SIPA1L3: variants seen among roughly 807,000 people sequenced by gnomAD.
The protein encoded by SIPA1L3 is signal induced proliferation associated 1 like 3.
A neutral mutation model predicts 150.1 loss-of-function variants in SIPA1L3; 59 were observed. The ratio of observed to expected loss-of-function variants is 0.39; its 90% CI spans 0.32 to 0.49. The LOEUF is 0.49. Ranked by LOEUF, SIPA1L3 falls within the 20% of genes least tolerant of loss-of-function variation. The probability of loss-of-function intolerance (pLI) is 0.86; values close to 1 mark genes in which losing one functional copy is unlikely to be tolerated. For missense variants in SIPA1L3, 2,211 were observed against 2,489.5 expected (o/e 0.89, Z 2.38); for synonymous variants, 1,070 against 1,077.6 (o/e 0.99, Z 0.14).
chr19:37,959,663 GTTGGTGTGT>G (rs1460737935), intron 1 of SIPA1L3, among the ~76,000 whole-genome samples: 1 of 152,284 alleles, frequency 6.6e-6, no homozygotes, highest in African/African-American at 2.4e-5. Context: ...TGATGTGATT[GTTGGTGTGT>G]TTGGATTAAC....
chr19:38,006,130 T>C (rs886072175), intron 1 of SIPA1L3, among the ~76,000 whole-genome samples: 1 of 152,030 alleles, frequency 6.6e-6, no homozygotes, highest in Admixed American at 6.6e-5. Context: ...GGGGAGGTGA[T>C]GCTGGGGCTG....
At chr19:38,196,233 A>G (rs1413343186) in intron 18 of SIPA1L3, among the ~76,000 whole-genome samples, 1 of 152,238 alleles carries the variant, frequency 6.6e-6, no homozygotes, top group African/African-American at 2.4e-5. Context: ...CCTGCTCAGC[A>G]ATGGCAGCCA....
At position 38,118,753 on chromosome 19, in the gene SIPA1L3, C is replaced by T. The variant is rs946392011; in HGVS notation, c.2292-553C>T. ...TTTACCATATTGGTCAGGCTGGTCT[C>T]GAACTCCTGACCTCAGGTGATCTGC... On this transcript the variant is annotated intron_variant, in intron 8 of 21. Coordinates refer to ENST00000222345, the MANE Select transcript of SIPA1L3 (RefSeq NM_015073.3). Among the ~76,000 whole-genome samples the T allele has an allele frequency of 8.6e-5, 13 of 152,046 alleles. No individual in the cohort carries two copies. The East Asian group carries it at 1.8e-3, about 21-fold the overall frequency.
rs1973219135 is a variant in SIPA1L3 at position 38,206,516 on chromosome 19, C to A, written c.*276C>A. Reference sequence around the variant, plus strand: ...GGGCTGTGCTTACACCGCTCCCGGGCCTGCCCCGCTGTCCCCATCTAGCCT... The same window carrying A: ...GGGCTGTGCTTACACCGCTCCCGGGACTGCCCCGCTGTCCCCATCTAGCCT... On this transcript the variant is annotated 3_prime_UTR_variant, in exon 22 of 22. Coordinates refer to ENST00000222345, the MANE Select transcript of SIPA1L3 (RefSeq NM_015073.3). 5 of 352,562 alleles carry A rather than the reference C, an allele frequency of 1.4e-5. No individual in the cohort carries two copies. 21.8% of individuals were successfully genotyped at this position (352,562 alleles called of 1,614,324 possible). A position where few individuals can be genotyped will look rare whatever the true frequency, so the allele number is the denominator to read the frequency against.
At chr19:38,182,904 C>G in intron 16 of SIPA1L3, 164 bp downstream of exon 16, 1 of 585,000 alleles carries the variant, frequency 1.7e-6, no homozygotes. Context: ...GGCGAGAACC[C>G]CTCTTGGGGA....
intron 1 of SIPA1L3, among the ~76,000 whole-genome samples, chr19:37,972,188 T>TGTGTGTGTGTGC (rs1374747436): frequency 6.6e-6 from 1 of 151,776 alleles, no homozygotes; most frequent in African/African-American, 2.4e-5. Context: ...TGTGTGTGTG[T>TGTGTGTGTGTGC]GTGTGTGTGT....
intron 1 of SIPA1L3, among the ~76,000 whole-genome samples, chr19:37,998,188 C>T (rs369780130): frequency 2.6e-5 from 4 of 152,196 alleles, no homozygotes; most frequent in African/African-American, 4.8e-5. Context: ...GAGTCAGAAG[C>T]GACTCACGGC....
chr19:38,124,039 T>A (rs1397182361), intron 9 of SIPA1L3, among the ~76,000 whole-genome samples: 8 of 132,794 alleles, frequency 6.0e-5, no homozygotes, highest in African/African-American at 2.0e-4. Context: ...CACCTCCCAG[T>A]AGGGGCGGCT....
At chr19:37,979,199 G>T (rs937634616) in intron 1 of SIPA1L3, among the ~76,000 whole-genome samples, 4 of 152,014 alleles carry the variant, frequency 2.6e-5, no homozygotes, top group African/African-American at 9.6e-5. Flanking sequence ...TGGGTTTTAC[G>T]TTTTTAAAAG....
At chr19:38,190,519 C>T (rs975600538) in intron 16 of SIPA1L3, among the ~76,000 whole-genome samples, 2 of 152,156 alleles carry the variant, frequency 1.3e-5, no homozygotes, top group Non-Finnish European at 2.9e-5. Context: ...CTCGCCCTTC[C>T]TTTGTTAAAA....
Position 38,119,538 on chromosome 19 carries a change from G to T in SIPA1L3, c.2524G>T (p.Gly842Cys), listed in dbSNP as rs530799618. The T allele has an allele frequency of 6.8e-6, 11 of 1,614,114 alleles. No individual in the cohort carries two copies. In the African/African-American group the frequency reaches 1.2e-4, roughly 18 times the overall value. ...CTCCAACACCCCCATCGACTCCACCGGCAAATTCAACCTCATCTCCCTGAC... is the reference window on the plus strand; with the variant it reads ...CTCCAACACCCCCATCGACTCCACCTGCAAATTCAACCTCATCTCCCTGAC... The part of the protein sequence containing the change: ...CVSNTPIDST[G>C]KFNLISLTSK... Residue 842 changes from glycine (G) to cysteine (C), a missense_variant, in exon 9 of 22, where the codon GGC becomes TGC. Gly to Cys is a radical substitution (Grantham distance 159, BLOSUM62 -3). Transcript: ENST00000222345.
chr19:38,208,031 CT>C lies in SIPA1L3; in HGVS notation c.*1808del, dbSNP rs878876734. 0.012 allele frequency: 1,543 copies of C among 125,304 alleles called. 24 individuals carry two copies. Among genetic ancestry groups the C allele is most frequent in the South Asian group, 0.021 (75 of 3,550 alleles). 7.8% of individuals were successfully genotyped at this position (125,304 alleles called of 1,614,324 possible). A position where few individuals can be genotyped will look rare whatever the true frequency, so the allele number is the denominator to read the frequency against. On this transcript the variant is annotated 3_prime_UTR_variant, in exon 22 of 22. Transcript: ENST00000222345. ...CACCCCTTAGACCCTCATCGGGTCC[CT>C]TTTTTTTTTTTTTTTTCAGTTGTCT...
intron 12 of SIPA1L3, among the ~76,000 whole-genome samples, chr19:38,149,080 A>G (rs559630357): frequency 6.6e-5 from 10 of 152,286 alleles, no homozygotes; most frequent in African/African-American, 2.4e-4. Flanking sequence ...GTCAGTTTGC[A>G]TTGGGATAAT....
chr19:38,081,195 C>A, intron 2 of SIPA1L3, 61 bp from the exon 3 acceptor site: 1 of 403,828 alleles, frequency 2.5e-6, no homozygotes, highest in South Asian at 1.2e-4. Flanking sequence ...TCACATGTCC[C>A]ACTTTCTGGG....
At chr19:38,069,574 T>C (rs1199242822) in intron 2 of SIPA1L3, among the ~76,000 whole-genome samples, 1 of 152,182 alleles carries the variant, frequency 6.6e-6, no homozygotes. Flanking sequence ...GCTGCCGAGC[T>C]TTTAAGAGGC....
chr19:38,189,773 A>G (rs1040472544), intron 16 of SIPA1L3, among the ~76,000 whole-genome samples: 4 of 152,170 alleles, frequency 2.6e-5, no homozygotes, highest in Non-Finnish European at 1.5e-5. Context: ...CTCAAAAAAA[A>G]TAGAAAAAGA....
chr19:38,131,451 G>A (rs992682825), intron 10 of SIPA1L3, among the ~76,000 whole-genome samples: 4 of 152,070 alleles, frequency 2.6e-5, no homozygotes, highest in Admixed American at 1.3e-4. Context: ...CCTGGAGTAC[G>A]GGGAGGCCCA....
intron 6 of SIPA1L3, among the ~76,000 whole-genome samples, chr19:38,104,990 A>T (rs371562094): frequency 9.9e-5 from 15 of 152,136 alleles, no homozygotes; most frequent in African/African-American, 3.6e-4. Flanking sequence ...CCGGCTCCCA[A>T]CCTGGCTCTG....
intron 11 of SIPA1L3, 79 bp from the exon 12 acceptor site, chr19:38,142,478 CGTCTGTCCATCCATCT>C (rs1337376226): frequency 7.2e-7 from 1 of 1,380,234 alleles, no homozygotes; most frequent in Non-Finnish European, 9.8e-7. Context: ...TCTGTCTGTC[CGTCTGTCCATCCATCT>C]GTCTGTCCGT....
Sources: gnomAD v4.1 joint callset for allele counts (sites outside exome capture counted in the v4.1 genomes callset) on GRCh38, gnomAD v4.1.1 for gene constraint, MANE v1.5 for transcripts, NCBI Gene and HGNC (gene_info 2026-07-23, HGNC 2026-07-21) for gene names.